SCN1A: variants seen among roughly 807,000 people sequenced by gnomAD.
SCN1A encodes sodium voltage-gated channel alpha subunit 1.
SCN1A carries 13 observed loss-of-function variants against 193.7 expected under a neutral mutation model. That is an observed-to-expected ratio of 0.07 (90% CI 0.04 to 0.11). The LOEUF (loss-of-function observed/expected upper bound fraction) is 0.11, where lower values mean the gene tolerates loss of function less well. Among genes scored for constraint, SCN1A ranks in the 10% least tolerant of loss-of-function variants. SCN1A has a pLI of 1.00. For missense variants in SCN1A, 1,432 were observed against 2,451.1 expected (o/e 0.58, Z 8.78); for synonymous variants, 781 against 843.6 (o/e 0.93, Z 1.29).
intron 19 of SCN1A, among the ~76,000 whole-genome samples, chr2:166,026,837 CTG>C (rs1694850624): frequency 6.6e-6 from 1 of 151,818 alleles, no homozygotes; most frequent in Non-Finnish European, 1.5e-5. Context: ...GTGCCCACCA[CTG>C]CACCCGGCTA....
rs915676341 is a variant in SCN1A, at chr2:165,991,462, G to A, written c.5813C>T (p.Ala1938Val). 9.9e-6 allele frequency: 16 copies of A among 1,613,738 alleles called. No individual in the cohort carries two copies. The highest frequency in any genetic ancestry group is 3.3e-4 in the Middle Eastern group (2 of 6,082). Reference protein sequence around the residue: ...RHLLKRTVKQASFTYNKNKIK... With the variant: ...RHLLKRTVKQVSFTYNKNKIK... ...TTTGTTTTTATTGTACGTAAAGGAAGCTTGTTTTACAGTTCGCTTTAAAAG... is the reference window on the plus strand; with the variant it reads ...TTTGTTTTTATTGTACGTAAAGGAAACTTGTTTTACAGTTCGCTTTAAAAG... Residue 1938 changes from alanine (A) to valine (V), a missense_variant, in exon 29 of 29, where the codon GCT (alanine) becomes GTT (valine). Physicochemically the swap from Ala to Val is moderately conservative, Grantham distance 64 (BLOSUM62 0). Transcript: ENST00000674923.
chr2:166,050,623 A>ATATATATATATATATATATG lies in SCN1A; in HGVS notation c.964+1095_964+1096insCATATATATATATATATATA, dbSNP rs1281523070. On this transcript the variant is annotated intron_variant, in intron 9 of 28. Coordinates refer to ENST00000674923, the MANE Select transcript of SCN1A (RefSeq NM_001165963.4). Reference sequence around the variant, plus strand: ...AACTCATTAAAAAAAGTATATATATATATATATATATATATGTGTGTATAT... The same window carrying ATATATATATATATATATATG: ...AACTCATTAAAAAAAGTATATATATATATATATATATATATATATGTATATATATATATATGTGTGTATAT... Among the ~76,000 whole-genome samples, 431 of 96,958 alleles carry ATATATATATATATATATATG rather than the reference A, an allele frequency of 4.4e-3. 9 individuals carry two copies. The highest frequency in any genetic ancestry group is 7.0e-3 in the Non-Finnish European group (339 of 48,160). The allele number at this position is 96,958 out of a possible 152,430, so 63.6% of individuals were successfully genotyped here.
chr2:166,146,357 C>A (rs1244144231), intron 1 of SCN1A, among the ~76,000 whole-genome samples: 4 of 152,038 alleles, frequency 2.6e-5, no homozygotes, highest in Admixed American at 1.3e-4. Context: ...TAAGTTTTAA[C>A]CTACCTACTT....
At chr2:166,042,209 C>A in intron 15 of SCN1A, 83 bp downstream of exon 15, 8 of 1,404,518 alleles carry the variant, frequency 5.7e-6, no homozygotes, top group Middle Eastern at 1.9e-4. Context: ...GCACTATTCC[C>A]AACTCACAAA....
At chr2:166,111,939 A>T (rs528535782) in intron 2 of SCN1A, among the ~76,000 whole-genome samples, 15 of 152,284 alleles carry the variant, frequency 9.9e-5, no homozygotes, top group Non-Finnish European at 1.8e-4. Context: ...TTAAGAGAGG[A>T]GGAGTTGCTT....
rs895144771 is a variant in SCN1A at position 166,002,900 on chromosome 2, AT to A, written c.4003-148del. On this transcript the variant is annotated intron_variant, in intron 23 of 28. Coordinates refer to ENST00000674923, the MANE Select transcript of SCN1A (RefSeq NM_001165963.4). ...ATATGTAAAAGCAAGGTTCAAAAAAATCTTAAAATTCATTTTTTTTTCTTAA... is the reference window on the plus strand; with the variant it reads ...ATATGTAAAAGCAAGGTTCAAAAAAACTTAAAATTCATTTTTTTTTCTTAA... 34 of 642,530 alleles carry A rather than the reference AT, an allele frequency of 5.3e-5. No individual in the cohort carries two copies. The African/African-American group carries it at 5.6e-4, about 11-fold the overall frequency. The allele number at this position is 642,530 out of a possible 1,614,324, so 39.8% of individuals were successfully genotyped here.
chr2:165,997,583 T>A (rs957385607), intron 26 of SCN1A, among the ~76,000 whole-genome samples: 2 of 151,068 alleles, frequency 1.3e-5, no homozygotes, highest in African/African-American at 4.8e-5. Context: ...ATAAAAGAAA[T>A]CAATGACAGA....
At chr2:166,088,977 C>T (rs1168420330) in intron 2 of SCN1A, among the ~76,000 whole-genome samples, 1 of 152,174 alleles carries the variant, frequency 6.6e-6, no homozygotes, top group Non-Finnish European at 1.5e-5. Context: ...ATTTGAATTT[C>T]AGATAACTGA....
At chr2:166,021,295 C>A (rs1559163088) in intron 19 of SCN1A, among the ~76,000 whole-genome samples, 1 of 152,038 alleles carries the variant, frequency 6.6e-6, no homozygotes, top group Non-Finnish European at 1.5e-5. Context: ...CTATGATAAC[C>A]TGAGAGAAGT....
intron 2 of SCN1A, among the ~76,000 whole-genome samples, chr2:166,092,141 A>C (rs1686876585): frequency 1.3e-5 from 2 of 152,130 alleles, no homozygotes; most frequent in Admixed American, 1.3e-4. Flanking sequence ...ATAATATGGC[A>C]TATTGCTTTC....
intron 1 of SCN1A, among the ~76,000 whole-genome samples, chr2:166,137,138 T>A (rs771474560): frequency 1.4e-4 from 22 of 152,124 alleles, no homozygotes; most frequent in Non-Finnish European, 2.9e-4. Context: ...TCTGGGAATG[T>A]TTTTTCCAGG....
chr2:166,101,888 A>G (rs1688122318), intron 2 of SCN1A, among the ~76,000 whole-genome samples: 1 of 152,240 alleles, frequency 6.6e-6, no homozygotes, highest in African/African-American at 2.4e-5. Context: ...TAATTAAAAT[A>G]AAGAGCATCT....
At chr2:166,147,625 T>C (rs1359335734) in intron 1 of SCN1A, among the ~76,000 whole-genome samples, 1 of 152,152 alleles carries the variant, frequency 6.6e-6, no homozygotes, top group African/African-American at 2.4e-5. Context: ...TAAAACCTGG[T>C]CTGATGGGGC....
intron 21 of SCN1A, among the ~76,000 whole-genome samples, chr2:166,012,516 T>C (rs1692632952): frequency 6.6e-6 from 1 of 150,678 alleles, no homozygotes; most frequent in African/African-American, 2.4e-5. Flanking sequence ...TTTGACTTAG[T>C]CAGGAAATAG....
At position 166,021,068 on chromosome 2, in the gene SCN1A, T is replaced by C. The variant is rs938986601; in HGVS notation, c.3430-5341A>G. ...TAGATTTAAAAAATGGTATTCATAT[T>C]TGGCTTAAGCTCTACTTCGCAAGTC... is the stretch of plus-strand genomic sequence containing the variant. On this transcript the variant is annotated intron_variant, in intron 19 of 28. Coordinates refer to ENST00000674923, the MANE Select transcript of SCN1A (RefSeq NM_001165963.4). 4.6e-5 allele frequency among the ~76,000 whole-genome samples: 7 copies of C among 152,348 alleles called. No homozygotes were observed. The East Asian group carries it at 1.3e-3, about 29-fold the overall frequency.
At chr2:166,115,054 C>CAAGCAAAGACCAAAGAATGCCTCAA (rs1244430362) in intron 2 of SCN1A, among the ~76,000 whole-genome samples, 2 of 152,006 alleles carry the variant, frequency 1.3e-5, no homozygotes, top group Admixed American at 1.3e-4. Flanking sequence ...TAATTAGACT[C>CAAGCAAAGACCAAAGAATGCCTCAA]AAGCAAAGAC....
At chr2:166,011,562 G>A (rs1692456186) in intron 22 of SCN1A, among the ~76,000 whole-genome samples, 2 of 151,196 alleles carry the variant, frequency 1.3e-5, no homozygotes, top group African/African-American at 4.8e-5. Flanking sequence ...CTATAATGAA[G>A]TCATAATCCA....
intron 19 of SCN1A, among the ~76,000 whole-genome samples, chr2:166,032,510 A>G (rs564487498): frequency 2.7e-4 from 41 of 152,248 alleles, no homozygotes; most frequent in African/African-American, 9.1e-4. Flanking sequence ...AGAATACAGT[A>G]TAAGACTGAT....
intron 25 of SCN1A, 63 bp from the exon 26 acceptor site, chr2:165,998,238 T>G (rs1416640967): frequency 1.4e-6 from 2 of 1,382,290 alleles, no homozygotes; most frequent in African/African-American, 2.9e-5. Context: ...ATGTCACTGG[T>G]GCTTTTTCAT....
Sources: allele counts gnomAD v4.1 joint callset (sites outside exome capture counted in the v4.1 genomes callset), GRCh38; gene constraint gnomAD v4.1.1; transcripts MANE v1.5; gene names NCBI Gene and HGNC (gene_info 2026-07-23, HGNC 2026-07-21).